Variants in IDS observed in about 807,000 individuals in gnomAD.
The protein encoded by IDS is alpha-L-iduronate sulfate sulfatase.
A neutral mutation model predicts 33.5 loss-of-function variants in IDS; 1 was observed. The ratio of observed to expected loss-of-function variants is 0.03; its 90% CI spans 0.01 to 0.14. The LOEUF is 0.14. Among genes scored for constraint, IDS ranks in the 10% least tolerant of loss-of-function variants. The pLI is 1.00. For missense variants in IDS, 328 were observed against 448.0 expected (o/e 0.73, Z 2.42); for synonymous variants, 191 against 184.4 (o/e 1.04, Z -0.29).
rs781883143 is a variant in IDS, at chrX:149,490,459, T to A, written c.880-19A>T. 13 of 1,205,547 alleles carry A rather than the reference T, an allele frequency of 1.1e-5. No homozygotes were observed. Among genetic ancestry groups the A allele is most frequent in the Middle Eastern group, 2.3e-4 (1 of 4,322 alleles). Reference sequence around the variant, plus strand: ...TTTTCCGCTGCAAATTGAAAAAAAATAAAAATGAGAGTGACTGCAATTTAA... The same window carrying A: ...TTTTCCGCTGCAAATTGAAAAAAAAAAAAAATGAGAGTGACTGCAATTTAA... On this transcript the variant is annotated intron_variant, in intron 6 of 8. Transcript: ENST00000340855.
At chrX:149,504,342 A>G in intron 1 of IDS, 49 bp from the exon 2 acceptor site, 1 of 1,150,141 alleles carries the variant, frequency 8.7e-7, no homozygotes, top group Non-Finnish European at 1.2e-6. Context: ...CTGACACTGA[A>G]CCCTCCCTCA....
intron 7 of IDS, among the ~76,000 whole-genome samples, 160 bp downstream of exon 7, chrX:149,490,154 C>A (rs2089376985): frequency 1.0e-5 from 1 of 97,113 alleles, no homozygotes; most frequent in African/African-American, 3.8e-5. Flanking sequence ...TCAGGACTAA[C>A]AAGCTGATCA....
intron 5 of IDS, 135 bp from the exon 6 acceptor site, chrX:149,496,651 C>T (rs781826760): frequency 2.2e-5 from 14 of 623,108 alleles, no homozygotes; most frequent in African/African-American, 4.4e-5. Flanking sequence ...GCATTCCCCA[C>T]GTGCTCGGCC....
chrX:149,483,772 C>A (rs1329532480), intron 8 of IDS, among the ~76,000 whole-genome samples: 8 of 112,246 alleles, frequency 7.1e-5, no homozygotes, highest in African/African-American at 2.3e-4. Context: ...TTAATTTACA[C>A]AACTGAAACT....
chrX:149,493,860 G>A lies in IDS; in HGVS notation c.879+2486C>T, dbSNP rs782243523. Among the ~76,000 whole-genome samples the A allele has an allele frequency of 4.5e-5, 5 of 111,518 alleles. No individual in the cohort carries two copies. In the East Asian group the frequency reaches 8.4e-4, roughly 19 times the overall value. On this transcript the variant is annotated intron_variant, in intron 6 of 8. Coordinates refer to ENST00000340855, the MANE Select transcript of IDS (RefSeq NM_000202.8). ...CTGATAAGGGGCACAGCCAGGATGCGTACCCACATCCACCCTGTCCGATCC... is the reference window on the plus strand; with the variant it reads ...CTGATAAGGGGCACAGCCAGGATGCATACCCACATCCACCCTGTCCGATCC...
intron 4 of IDS, 61 bp downstream of exon 4, chrX:149,500,888 T>A: frequency 1.4e-6 from 1 of 698,123 alleles, no homozygotes; most frequent in Non-Finnish European, 2.3e-6. Context: ...GTATACCCAG[T>A]AGTTTATGTG....
At chrX:149,504,339 T>C (rs1557340442) in intron 1 of IDS, 46 bp from the exon 2 acceptor site, 3 of 1,160,415 alleles carry the variant, frequency 2.6e-6, no homozygotes, top group South Asian at 3.7e-5. Flanking sequence ...GCACTGACAC[T>C]GAACCCTCCC....
Position 149,503,413 on chromosome X carries a change from T to C in IDS, c.317A>G (p.Asn106Ser). 2 of 1,193,963 alleles carry C rather than the reference T, an allele frequency of 1.7e-6. No homozygotes were observed. Among genetic ancestry groups the C allele is most frequent in the Non-Finnish European group, 2.3e-6 (2 of 885,872 alleles). Residue 106 changes from asparagine (N) to serine (S), a missense_variant, in exon 3 of 9, where the codon AAC becomes AGC. By Grantham distance (46) the Asn-to-Ser change is conservative. This residue lies in a region of IDS where 3 missense variants were observed against 44.0 expected (regional missense o/e 0.07). Coordinates refer to ENST00000340855, the MANE Select transcript of IDS (RefSeq NM_000202.8). ...TCCAGCGTGCACCCTCCAGTAGGAG[T>C]TGAAGTCGTACAGGCGGGTGGTGTC... ...RPDTTRLYDF[N>S]SYWRVHAGNF...
chrX:149,503,811 G>A (rs1557340334), intron 2 of IDS, among the ~76,000 whole-genome samples: 1 of 112,271 alleles, frequency 8.9e-6, no homozygotes, highest in Non-Finnish European at 1.9e-5. Context: ...ACCCTGGCTA[G>A]CTCTCACCTG....
chrX:149,486,821 G>A (rs782535329), intron 8 of IDS, 104 bp downstream of exon 8: 1 of 883,395 alleles, frequency 1.1e-6, no homozygotes, highest in East Asian at 3.2e-5. Context: ...GGCAGGAAGG[G>A]GGGGTCTGTG....
chrX:149,486,777 G>T, intron 8 of IDS, 148 bp downstream of exon 8: 1 of 627,748 alleles, frequency 1.6e-6, no homozygotes, highest in Non-Finnish European at 2.6e-6. Context: ...AGCGTGTGCT[G>T]ACCACAAAAT....
At chrX:149,485,340 A>ACAAGACAGTGGCAGTCTGGTC in intron 8 of IDS, among the ~76,000 whole-genome samples, 1 of 112,438 alleles carries the variant, frequency 8.9e-6, no homozygotes, top group Non-Finnish European at 1.9e-5. Context: ...GTACTTCAGC[A>ACAAGACAGTGGCAGTCTGGTC]CAAGACAGTG....
intron 8 of IDS, among the ~76,000 whole-genome samples, chrX:149,484,923 A>G (rs185567870): frequency 4.5e-5 from 5 of 112,229 alleles, no homozygotes; most frequent in African/African-American, 1.3e-4. Context: ...CTAGCTCTTC[A>G]ACCGAGTGTT....
At chrX:149,483,890 G>A (rs782643948) in intron 8 of IDS, among the ~76,000 whole-genome samples, 3 of 112,485 alleles carry the variant, frequency 2.7e-5, no homozygotes, top group East Asian at 5.6e-4. Context: ...ATACCTCATA[G>A]GAGTGGGATT....
In IDS at chrX:149,505,074, C is replaced by T; in HGVS notation, c.64G>A (p.Val22Ile). The change falls in exon 1 of 9, where the codon GTC (valine) becomes ATC (isoleucine). Residue 22 changes from valine (V) to isoleucine (I), a missense_variant. Around this residue, in one of 4 missense-constraint regions of IDS, gnomAD observed 45 missense variants for 33.6 expected, o/e 1.34. Coordinates refer to ENST00000340855, the MANE Select transcript of IDS (RefSeq NM_000202.8). The stretch of plus-strand genomic sequence containing the variant: ...GCCTGCGTTTCGGATCCGAGGGCGA[C>T]GCAGACGGAGCTCAGAACCAGACCC... The part of the protein sequence containing the change: ...WLGLVLSSVC[V>I]ALGSETQANS... 4.1e-6 allele frequency: 5 copies of T among 1,209,079 alleles called. No individual in the cohort carries two copies. The highest frequency in any genetic ancestry group is 2.2e-5 in the Admixed American group (1 of 46,022).
At chrX:149,491,232 A>T (rs2089388257) in intron 6 of IDS, among the ~76,000 whole-genome samples, 1 of 111,922 alleles carries the variant, frequency 8.9e-6, no homozygotes, top group Non-Finnish European at 1.9e-5. Context: ...ATTTCTAACA[A>T]ACTGTCAGCA....
At position 149,482,978 on chromosome X, in the gene IDS, T is replaced by C; in HGVS notation, c.1421A>G (p.Gln474Arg). The C allele has an allele frequency of 8.3e-7, 1 of 1,210,480 alleles. No individual in the cohort carries two copies. Among genetic ancestry groups the C allele is most frequent in the Non-Finnish European group, 1.1e-6 (1 of 894,330 alleles). The change falls in exon 9 of 9, where the codon CAG (glutamine) becomes CGG (arginine). Residue 474 changes from glutamine (Q) to arginine (R), a missense_variant. Gln to Arg is a conservative substitution (Grantham distance 43). This residue lies in a region of IDS where 265 missense variants were observed against 339.2 expected (regional missense o/e 0.78). Transcript: ENST00000340855. ...TAAACTCGGCTTGTCAGAATTCCAC[T>C]GAGGGATGTCTGAAGGCCGGGGATA... Reference protein sequence around the residue: ...SQYPRPSDIPQWNSDKPSLKD... With the variant: ...SQYPRPSDIPRWNSDKPSLKD...
chrX:149,498,572 A>G (rs1351269815), intron 4 of IDS, among the ~76,000 whole-genome samples: 4 of 112,557 alleles, frequency 3.6e-5, no homozygotes. Context: ...CCGATAGACT[A>G]ATTATAAAAA....
chrX:149,501,019 G>C lies in IDS; in HGVS notation c.437C>G (p.Thr146Ser), dbSNP rs140649188. The part of the protein sequence containing the change: ...VFHPGISSNH[T>S]DDSPYSWSFP... The stretch of plus-strand genomic sequence containing the variant: ...AGACCAGCTATACGGAGAATCATCG[G>C]TATGGTTAGAAGATATCCCTTGGAA... The change falls in exon 4 of 9, where the codon ACC becomes AGC. Residue 146 changes from threonine to serine, a missense_variant. By Grantham distance (58) the Thr-to-Ser change is moderately conservative. Transcript: ENST00000340855. The C allele has an allele frequency of 8.6e-7, 1 of 1,159,327 alleles. No homozygotes were observed. The highest frequency in any genetic ancestry group is 1.8e-5 in the African/African-American group (1 of 55,860).
Sources: allele counts gnomAD v4.1 joint callset (sites outside exome capture counted in the v4.1 genomes callset), GRCh38; gene constraint gnomAD v4.1.1; regional missense constraint gnomAD v4.1.1; transcripts MANE v1.5; gene names NCBI Gene and HGNC (gene_info 2026-07-23, HGNC 2026-07-21).